Variants in KATNAL2 observed in about 807,000 individuals in gnomAD.
The protein encoded by KATNAL2 is katanin catalytic subunit A1 like 2, also known as katanin p60 ATPase-containing subunit A-like 2.
KATNAL2 carries 52 observed loss-of-function variants against 76.3 expected under a neutral mutation model. The ratio of observed to expected loss-of-function variants is 0.68; its 90% CI spans 0.55 to 0.86. KATNAL2 has a LOEUF of 0.86. Among genes scored for constraint, KATNAL2 ranks in the 40% least tolerant of loss-of-function variants. The pLI is 0.00. For missense variants in KATNAL2, 660 were observed against 668.9 expected, an observed-to-expected ratio of 0.99 and a Z score of 0.15; for synonymous variants, 243 against 244.2, an observed-to-expected ratio of 1.00 and a Z score of 0.05.
At chr18:46,922,384 G>T (rs1013921252) in intron 1 of KATNAL2, among the ~76,000 whole-genome samples, 2 of 151,822 alleles carry the variant, frequency 1.3e-5, no homozygotes, top group African/African-American at 2.4e-5. Flanking sequence ...GATGTGAGCC[G>T]CTGCTCCCGG....
chr18:47,050,314 T>C (rs536265420), intron 4 of KATNAL2, among the ~76,000 whole-genome samples: 2 of 152,310 alleles, frequency 1.3e-5, no homozygotes, highest in African/African-American at 4.8e-5. Context: ...ACTGTGAACA[T>C]AGTAACAGAA....
intron 3 of KATNAL2, among the ~76,000 whole-genome samples, chr18:46,954,840 A>T (rs1262967061): frequency 6.6e-6 from 1 of 151,958 alleles, no homozygotes; most frequent in Non-Finnish European, 1.5e-5. Flanking sequence ...TTTTTGGTAG[A>T]GAGGGTTTCA....
intron 15 of KATNAL2, chr18:47,084,213 TTA>T: frequency 1.7e-6 from 1 of 588,914 alleles, no homozygotes; most frequent in Non-Finnish European, 3.0e-6. Context: ...TGTCTTTCTG[TTA>T]TCTATGTTAA....
At chr18:47,069,304 T>C in intron 12 of KATNAL2, 21 bp downstream of exon 12, 12 of 1,590,836 alleles carry the variant, frequency 7.5e-6, no homozygotes, top group Non-Finnish European at 1.0e-5. Flanking sequence ...CTTCCTATTT[T>C]GATGTCAGTG....
At chr18:47,026,366 G>GT (rs1390069376) in intron 3 of KATNAL2, among the ~76,000 whole-genome samples, 1 of 9,952 alleles carries the variant, frequency 1.0e-4, no homozygotes, top group African/African-American at 2.8e-4. Flanking sequence ...CTGAGGTTTT[G>GT]TTTTTTTAAT....
At chr18:47,054,363 T>C (rs2061414932) in intron 5 of KATNAL2, 33 bp from the exon 6 acceptor site, 2 of 1,586,136 alleles carry the variant, frequency 1.3e-6, no homozygotes, top group Non-Finnish European at 1.7e-6. Flanking sequence ...TTAAAATTAT[T>C]TTCTTTCCCT....
At chr18:46,924,389 T>A (rs1318843861) in intron 1 of KATNAL2, among the ~76,000 whole-genome samples, 2 of 152,214 alleles carry the variant, frequency 1.3e-5, no homozygotes, top group African/African-American at 4.8e-5. Context: ...TAGTTGTAGA[T>A]ATGCAGCATT....
chr18:46,941,288 G>A (rs535324386), intron 1 of KATNAL2, among the ~76,000 whole-genome samples: 8 of 152,156 alleles, frequency 5.3e-5, no homozygotes, highest in Admixed American at 2.6e-4. Context: ...GCACTGAGCC[G>A]AGATCATGCC....
chr18:47,040,300 T>A (rs1420354419), intron 3 of KATNAL2, among the ~76,000 whole-genome samples: 4 of 152,270 alleles, frequency 2.6e-5, no homozygotes, highest in African/African-American at 9.6e-5. Flanking sequence ...GTTGTTTGTT[T>A]CTGGCAAGTT....
intron 15 of KATNAL2, among the ~76,000 whole-genome samples, chr18:47,092,681 G>A (rs1283172244): frequency 1.3e-5 from 2 of 152,150 alleles, no homozygotes; most frequent in Non-Finnish European, 2.9e-5. Context: ...CTTCTTACCA[G>A]CTCCAGGCTC....
chr18:47,092,183 G>A (rs1183916513), intron 15 of KATNAL2, among the ~76,000 whole-genome samples: 1 of 152,124 alleles, frequency 6.6e-6, no homozygotes, highest in Non-Finnish European at 1.5e-5. Flanking sequence ...AAATATAAAT[G>A]TAATGATTTA....
intron 3 of KATNAL2, 126 bp downstream of exon 3, chr18:46,947,049 G>C: frequency 6.8e-6 from 5 of 730,140 alleles, no homozygotes; most frequent in Admixed American, 2.1e-5. Context: ...CAAACGCAGT[G>C]AGAGGCGCTC....
intron 1 of KATNAL2, among the ~76,000 whole-genome samples, chr18:46,940,668 A>G (rs2146621808): frequency 6.6e-6 from 1 of 152,322 alleles, no homozygotes; most frequent in South Asian, 2.1e-4. Context: ...CTATGAAGAC[A>G]GAATTCCAAG....
chr18:47,063,245 G>T (rs2061690177), intron 9 of KATNAL2, 39 bp from the exon 10 acceptor site: 1 of 1,593,750 alleles, frequency 6.3e-7, no homozygotes, highest in South Asian at 1.1e-5. Flanking sequence ...AAATTATGAA[G>T]CAATATTGTA....
chr18:47,101,926 G>C lies in KATNAL2; in HGVS notation c.*921G>C, dbSNP rs965081588. ...TTTCAACCCTTGATAAATTTTGAAG[G>C]CTTCTACTAAGTAATGCCACTTCTT... On this transcript the variant is annotated 3_prime_UTR_variant, in exon 18 of 18. Coordinates refer to ENST00000683218, the MANE Select transcript of KATNAL2 (RefSeq NM_001387690.1). 2.6e-5 allele frequency: 4 copies of C among 152,108 alleles called. No individual in the cohort carries two copies. The highest frequency in any genetic ancestry group is 9.7e-5 in the African/African-American group (4 of 41,392). 9.4% of individuals were successfully genotyped at this position (152,108 alleles called of 1,614,324 possible). A position where few individuals can be genotyped will look rare whatever the true frequency, so the allele number is the denominator to read the frequency against.
chr18:47,045,810 T>C (rs1433277718), intron 3 of KATNAL2, among the ~76,000 whole-genome samples: 1 of 152,208 alleles, frequency 6.6e-6, no homozygotes, highest in East Asian at 1.9e-4. Context: ...TGTGAATACA[T>C]TTTGGGGCAA....
intron 3 of KATNAL2, among the ~76,000 whole-genome samples, chr18:46,957,444 C>T (rs945097171): frequency 8.6e-5 from 13 of 150,998 alleles, no homozygotes; most frequent in Non-Finnish European, 1.3e-4. Flanking sequence ...TTAGTAGAGA[C>T]GGTGTTTCAC....
At chr18:47,052,752 A>G in intron 4 of KATNAL2, 128 bp from the exon 5 acceptor site, 1 of 607,708 alleles carries the variant, frequency 1.6e-6, no homozygotes, top group Middle Eastern at 4.0e-4. Flanking sequence ...TGCACATACT[A>G]GTTTTCATCT....
At chr18:47,085,822 G>A (rs1035034753) in intron 15 of KATNAL2, among the ~76,000 whole-genome samples, 1 of 152,104 alleles carries the variant, frequency 6.6e-6, no homozygotes, top group Non-Finnish European at 1.5e-5. Flanking sequence ...CTATTTGCAG[G>A]CTGGGAATGG....
Sources: allele counts gnomAD v4.1 joint callset (sites outside exome capture counted in the v4.1 genomes callset), GRCh38; gene constraint gnomAD v4.1.1; transcripts MANE v1.5; gene names NCBI Gene and HGNC (gene_info 2026-07-23, HGNC 2026-07-21).